ITGB3BP: variants seen among roughly 807,000 people sequenced by gnomAD.
ITGB3BP encodes the protein centromere protein R.
Under a neutral mutation model 29.1 loss-of-function variants are expected in ITGB3BP, and 27 were observed. That is an observed-to-expected ratio of 0.93 (90% CI 0.68 to 1.28). ITGB3BP has a LOEUF of 1.28. Ranked by LOEUF, ITGB3BP falls within the 50% of genes most tolerant of loss-of-function variation. The pLI is 0.00. For missense variants in ITGB3BP, 192 were observed against 200.2 expected (o/e 0.96, Z 0.25); for synonymous variants, 61 against 61.4 (o/e 0.99, Z 0.03).
chr1:63,455,042 A>G, intron 4 of ITGB3BP, 74 bp from the exon 5 acceptor site: 1 of 736,744 alleles, frequency 1.4e-6, no homozygotes, highest in South Asian at 1.6e-5. Context: ...CAGAGCTTTA[A>G]CTCTTTTTAA....
intron 4 of ITGB3BP, among the ~76,000 whole-genome samples, chr1:63,459,145 A>G (rs961944002): frequency 1.3e-5 from 2 of 152,066 alleles, no homozygotes; most frequent in South Asian, 2.1e-4. Context: ...TGAGCACCCA[A>G]TGCTGCTTAA....
chr1:63,496,252 C>A (rs942843063), intron 2 of ITGB3BP, among the ~76,000 whole-genome samples: 1 of 152,042 alleles, frequency 6.6e-6, no homozygotes, highest in Non-Finnish European at 1.5e-5. Context: ...ACCACCATGC[C>A]TGGCTAATTT....
chr1:63,499,079 A>T (rs1478695811), intron 2 of ITGB3BP, among the ~76,000 whole-genome samples: 1 of 152,148 alleles, frequency 6.6e-6, no homozygotes, highest in African/African-American at 2.4e-5. Context: ...ATGTAAAGAC[A>T]TAAGAGTTAA....
Position 63,510,132 on chromosome 1 carries a change from G to T in ITGB3BP, c.6-1562C>A, listed in dbSNP as rs541551481. On this transcript the variant is annotated intron_variant, in intron 1 of 8. Transcript: ENST00000271002. ...TTGAACGCGGGAAGCAGATGTTGCA[G>T]TGAACGGAAATCGTGCCATTGCACT... 450 of 633,928 alleles carry T rather than the reference G, an allele frequency of 7.1e-4. 2 individuals are homozygous for T. Among genetic ancestry groups the T allele is most frequent in the Non-Finnish European group, 6.1e-4 (210 of 342,310 alleles). The allele number at this position is 633,928 out of a possible 1,614,324, so 39.3% of individuals were successfully genotyped here. A position where few individuals can be genotyped will look rare whatever the true frequency, so the allele number is the denominator to read the frequency against.
chr1:63,484,485 T>C (rs1397646810), intron 3 of ITGB3BP, among the ~76,000 whole-genome samples: 2 of 152,166 alleles, frequency 1.3e-5, no homozygotes, highest in East Asian at 3.8e-4. Flanking sequence ...ATACTTTCCA[T>C]TATAATTTTT....
At chr1:63,488,531 A>G (rs1645576831) in intron 3 of ITGB3BP, among the ~76,000 whole-genome samples, 1 of 152,086 alleles carries the variant, frequency 6.6e-6, no homozygotes, top group Non-Finnish European at 1.5e-5. Context: ...ATGACTTCAT[A>G]CGTCATATTT....
At chr1:63,522,633 A>C (rs1646480546) in intron 1 of ITGB3BP, among the ~76,000 whole-genome samples, 1 of 152,026 alleles carries the variant, frequency 6.6e-6, no homozygotes, top group Non-Finnish European at 1.5e-5. Flanking sequence ...GTACAAACTT[A>C]TTTGTGTAAG....
chr1:63,492,384 A>C (rs1645672057), intron 2 of ITGB3BP, among the ~76,000 whole-genome samples: 1 of 152,172 alleles, frequency 6.6e-6, no homozygotes, highest in South Asian at 2.1e-4. Context: ...TTCTTCAGTA[A>C]ATATGCACTT....
rs1326778611 is a variant in ITGB3BP at position 63,523,129 on chromosome 1, G to A, written c.5C>T (p.Pro2Leu). The change falls in exon 1 of 9, where the codon CCT becomes CTT. Residue 2 changes from proline (P) to leucine (L), a missense_variant and splice_region_variant. By Grantham distance (98) the Pro-to-Leu change is moderately conservative. Coordinates refer to ENST00000271002, the MANE Select transcript of ITGB3BP (RefSeq NM_014288.5). ...CAATACCTGGGGAGGAGATACCTAC[G>A]GCATTCTGAGATTCGGGAAAGCACC... M[P>L]VKRSLKLDGL... is the part of the protein sequence containing the mutation. The A allele has an allele frequency of 1.9e-6, 3 of 1,614,150 alleles. No individual in the cohort carries two copies. The highest frequency in any genetic ancestry group is 2.5e-6 in the Non-Finnish European group (3 of 1,180,012).
upstream of ITGB3BP, among the ~76,000 whole-genome samples, chr1:63,525,319 A>C (rs1339847857): frequency 1.3e-5 from 2 of 152,180 alleles, no homozygotes; most frequent in Non-Finnish European, 2.9e-5. Flanking sequence ...ATACATATGT[A>C]TATATCTAAA....
At chr1:63,463,452 C>T (rs1304246492) in intron 4 of ITGB3BP, among the ~76,000 whole-genome samples, 2 of 152,086 alleles carry the variant, frequency 1.3e-5, no homozygotes, top group Non-Finnish European at 2.9e-5. Flanking sequence ...TGTCAATTTC[C>T]TGGTTGTGAT....
rs928405245 is a variant in ITGB3BP, at chr1:63,504,039, A to G, written c.48+4489T>C. Among the ~76,000 whole-genome samples the G allele has an allele frequency of 6.3e-4, 95 of 151,876 alleles. 2 individuals are homozygous for G. Among genetic ancestry groups the G allele is most frequent in the African/African-American group, 2.2e-3 (89 of 41,218 alleles). On this transcript the variant is annotated intron_variant, in intron 2 of 8. Transcript: ENST00000271002. The stretch of plus-strand genomic sequence containing the variant: ...ATGAACTTTAAAGTAGTTTTTTCCA[A>G]TTCTGTGAAGAAAGTCATTGGTAGC...
At chr1:63,525,671 A>AAT (rs1646576460), upstream of ITGB3BP, 2 of 1,601,580 alleles carry the variant, frequency 1.2e-6, no homozygotes, top group African/African-American at 2.7e-5. Context: ...CTGAAGAGGA[A>AAT]ATATTTTATA....
At chr1:63,442,702 C>G (rs950656191) in intron 8 of ITGB3BP, 1 of 152,178 alleles carries the variant, frequency 6.6e-6, no homozygotes, top group Non-Finnish European at 1.5e-5. Context: ...TACTTTGATC[C>G]TCATTGGATG....
intron 1 of ITGB3BP, among the ~76,000 whole-genome samples, chr1:63,521,685 G>A (rs1403972707): frequency 1.3e-5 from 2 of 152,014 alleles, no homozygotes; most frequent in African/African-American, 4.8e-5. Context: ...AAAAAATTAG[G>A]CATGGTGGCA....
At chr1:63,462,197 T>G (rs550427850) in intron 4 of ITGB3BP, among the ~76,000 whole-genome samples, 48 of 152,348 alleles carry the variant, frequency 3.2e-4, no homozygotes, top group African/African-American at 1.0e-3. Flanking sequence ...TTTTTACCTC[T>G]TTAGTTAAAT....
intron 4 of ITGB3BP, among the ~76,000 whole-genome samples, chr1:63,473,036 C>T (rs1645236960): frequency 6.6e-6 from 1 of 151,880 alleles, no homozygotes; most frequent in African/African-American, 2.4e-5. Flanking sequence ...CGAGGAGCGC[C>T]TCTTCCCCAC....
chr1:63,446,462 C>G (rs1281846802), intron 8 of ITGB3BP: 1 of 210,162 alleles, frequency 4.8e-6, no homozygotes, highest in Admixed American at 5.3e-5. Context: ...AAACTATAGT[C>G]CACTTGTCAG....
At chr1:63,493,449 CAAACA>C (rs1557640200) in intron 2 of ITGB3BP, among the ~76,000 whole-genome samples, 21 of 151,768 alleles carry the variant, frequency 1.4e-4, no homozygotes, top group Admixed American at 3.9e-4. Flanking sequence ...AACAAACAAA[CAAACA>C]AACCTGCTTG....
Sources: gnomAD v4.1 joint callset for allele counts (sites outside exome capture counted in the v4.1 genomes callset) on GRCh38, gnomAD v4.1.1 for gene constraint, MANE v1.5 for transcripts, NCBI Gene and HGNC (gene_info 2026-07-23, HGNC 2026-07-21) for gene names.